Variants in SAMD3 observed in about 807,000 individuals in gnomAD.
SAMD3 encodes sterile alpha motif domain-containing protein 3.
A neutral mutation model predicts 58.5 loss-of-function variants in SAMD3; 63 were observed. That is an observed-to-expected ratio of 1.08 (90% CI 0.88 to 1.33). The LOEUF is 1.33. SAMD3 is among the 40% of genes most tolerant of loss of function. The probability of loss-of-function intolerance (pLI) is 0.00; values close to 1 mark genes in which losing one functional copy is unlikely to be tolerated. For synonymous variants in SAMD3, 220 were observed against 210.3 expected, an observed-to-expected ratio of 1.05 and a Z score of -0.40; for missense variants, 604 against 608.4, an observed-to-expected ratio of 0.99 and a Z score of 0.08.
At chr6:130,321,322 G>T (rs1776578123) in intron 1 of SAMD3, among the ~76,000 whole-genome samples, 1 of 152,112 alleles carries the variant, frequency 6.6e-6, no homozygotes, top group African/African-American at 2.4e-5. Context: ...CTGGCCATGT[G>T]AGTGAGCTTG....
intron 5 of SAMD3, among the ~76,000 whole-genome samples, chr6:130,186,846 C>G (rs977291584): frequency 6.0e-5 from 9 of 149,118 alleles, no homozygotes; most frequent in Non-Finnish European, 1.3e-4. Flanking sequence ...TCTCGGCTCA[C>G]TGCAACCTCC....
Position 130,145,433 on chromosome 6 carries a change from A to C in SAMD3, c.1196-11T>G. 6.3e-7 allele frequency: 1 copy of C among 1,584,682 alleles called. No homozygotes were observed. Among genetic ancestry groups the C allele is most frequent in the South Asian group, 1.1e-5 (1 of 89,520 alleles). ...CTGTCATCTTCATGTCTGTCAAAGC[A>C]AATATGTTAACATGTGAAGTAAAAA... On this transcript the variant is annotated splice_polypyrimidine_tract_variant and intron_variant, in intron 10 of 11. Transcript: ENST00000439090.
chr6:130,347,081 C>T lies in SAMD3; in HGVS notation c.-304+18039G>A, dbSNP rs190193411. Among the ~76,000 whole-genome samples, 90 of 152,210 alleles carry T rather than the reference C, an allele frequency of 5.9e-4. 1 individual carries two copies. Among genetic ancestry groups the T allele is most frequent in the African/African-American group, 2.0e-3 (83 of 41,498 alleles). ...CATCCACACCAAAACCCCATCTGTA[C>T]GTCACTATCATCAAAGACCAAAGGT... is the stretch of plus-strand genomic sequence containing the variant. On this transcript the variant is annotated intron_variant, in intron 1 of 13. Transcript: ENST00000368134.
intron 1 of SAMD3, among the ~76,000 whole-genome samples, chr6:130,352,270 C>A (rs1363750641): frequency 6.6e-6 from 1 of 151,922 alleles, no homozygotes; most frequent in Non-Finnish European, 1.5e-5. Context: ...AGGGGATAAA[C>A]TCGAGTCAAG....
intron 2 of SAMD3, among the ~76,000 whole-genome samples, chr6:130,240,090 T>G (rs1034378229): frequency 1.1e-4 from 16 of 152,206 alleles, no homozygotes; most frequent in African/African-American, 3.9e-4. Flanking sequence ...ATGCTGCACA[T>G]GTTATCAGCA....
At chr6:130,327,348 T>C (rs1231902935) in intron 1 of SAMD3, among the ~76,000 whole-genome samples, 1 of 152,210 alleles carries the variant, frequency 6.6e-6, no homozygotes, top group African/African-American at 2.4e-5. Flanking sequence ...ATTCTAGAAC[T>C]GAACTAAATT....
chr6:130,251,654 C>T (rs1472473583), intron 2 of SAMD3, among the ~76,000 whole-genome samples: 1 of 152,150 alleles, frequency 6.6e-6, no homozygotes, highest in African/African-American at 2.4e-5. Context: ...ATGGGCTTAG[C>T]ATACTTGTCC....
chr6:130,301,572 G>C (rs1201326929), intron 2 of SAMD3, among the ~76,000 whole-genome samples: 1 of 151,948 alleles, frequency 6.6e-6, no homozygotes, highest in Non-Finnish European at 1.5e-5. Flanking sequence ...CACAGAATTA[G>C]AAAAAACAAT....
intron 2 of SAMD3, among the ~76,000 whole-genome samples, chr6:130,293,892 T>C (rs566820835): frequency 6.6e-6 from 1 of 152,264 alleles, no homozygotes; most frequent in Admixed American, 6.5e-5. Flanking sequence ...TCTTATGCTA[T>C]ACGGGTAAGG....
At chr6:130,358,838 C>A (rs1468812141) in intron 1 of SAMD3, among the ~76,000 whole-genome samples, 3 of 152,104 alleles carry the variant, frequency 2.0e-5, no homozygotes, top group African/African-American at 7.2e-5. Flanking sequence ...TTAACCCCTA[C>A]TCATATCCGT....
At chr6:130,305,178 C>T (rs148049798) in intron 2 of SAMD3, among the ~76,000 whole-genome samples, 3,209 of 151,916 alleles carry the variant, frequency 0.021, 102 homozygotes, top group African/African-American at 0.072. Context: ...TCAGGCAATC[C>T]GCCCACCTCA....
intron 2 of SAMD3, among the ~76,000 whole-genome samples, chr6:130,263,991 T>C (rs1277932480): frequency 6.6e-6 from 1 of 152,192 alleles, no homozygotes; most frequent in Non-Finnish European, 1.5e-5. Context: ...TCATGGAAGT[T>C]AAAGACTTAC....
At chr6:130,151,022 T>C (rs1016136891) in intron 9 of SAMD3, among the ~76,000 whole-genome samples, 1 of 152,202 alleles carries the variant, frequency 6.6e-6, no homozygotes, top group African/African-American at 2.4e-5. Flanking sequence ...TGAATTCTTA[T>C]TAGCAACACT....
chr6:130,208,346 C>T (rs191060601), intron 5 of SAMD3, among the ~76,000 whole-genome samples: 3 of 152,232 alleles, frequency 2.0e-5, no homozygotes, highest in East Asian at 3.9e-4. Flanking sequence ...CTGGGTGGGA[C>T]GGCCGTGAAA....
At chr6:130,217,447 T>C (rs947209821) in intron 1 of SAMD3, among the ~76,000 whole-genome samples, 2 of 152,236 alleles carry the variant, frequency 1.3e-5, no homozygotes, top group South Asian at 2.1e-4. Context: ...TATGTATGAA[T>C]GCTCCTGACA....
chr6:130,350,021 GC>G, intron 1 of SAMD3, among the ~76,000 whole-genome samples: 1 of 152,178 alleles, frequency 6.6e-6, no homozygotes, highest in East Asian at 1.9e-4. Flanking sequence ...AAATTCAACA[GC>G]CCTTCATACT....
At chr6:130,315,744 T>G (rs1257691437) in intron 1 of SAMD3, among the ~76,000 whole-genome samples, 1 of 152,218 alleles carries the variant, frequency 6.6e-6, no homozygotes, top group African/African-American at 2.4e-5. Flanking sequence ...ATAGTATTTT[T>G]AATATAAAAT....
At chr6:130,365,644 G>C (rs1417653738), upstream of SAMD3, 2 of 985,280 alleles carry the variant, frequency 2.0e-6, no homozygotes, top group African/African-American at 3.5e-5. Flanking sequence ...TCCCGCGGTA[G>C]CTAGAGGCGG....
chr6:130,201,829 T>G (rs1794677351), intron 5 of SAMD3, among the ~76,000 whole-genome samples: 1 of 152,228 alleles, frequency 6.6e-6, no homozygotes. Context: ...TCAGTGTTTG[T>G]GAAGCCTTTC....
Sources: allele counts gnomAD v4.1 joint callset (sites outside exome capture counted in the v4.1 genomes callset), GRCh38; gene constraint gnomAD v4.1.1; transcripts MANE v1.5; gene names NCBI Gene and HGNC (gene_info 2026-07-23, HGNC 2026-07-21).